The following RERE variants were observed in gnomAD, a reference collection of about 807,000 sequenced individuals.
RERE encodes the protein arginine-glutamic acid dipeptide repeats protein.
Under a neutral mutation model 146.1 loss-of-function variants are expected in RERE, and 40 were observed. The observed-to-expected ratio is 0.27, with a 90% CI of 0.21 to 0.36. The LOEUF is 0.36. RERE is among the 10% of genes least tolerant of loss of function. RERE has a pLI of 1.00. For synonymous variants in RERE, 1,003 were observed against 866.0 expected (o/e 1.16, Z -2.78); for missense variants, 1,933 against 2,138.7 (o/e 0.90, Z 1.90).
chr1:8,404,437 A>G (rs900027505), intron 12 of RERE, among the ~76,000 whole-genome samples: 2 of 150,840 alleles, frequency 1.3e-5, no homozygotes, highest in Non-Finnish European at 3.0e-5. Context: ...ACAAACAAAC[A>G]AAAAAAAGAG....
intron 12 of RERE, among the ~76,000 whole-genome samples, chr1:8,418,479 A>G (rs1643837671): frequency 6.6e-6 from 1 of 152,214 alleles, no homozygotes; most frequent in Admixed American, 6.5e-5. Context: ...CACCAGAGAC[A>G]AGCAACGGCA....
intron 11 of RERE, among the ~76,000 whole-genome samples, chr1:8,447,078 A>G (rs931840231): frequency 2.7e-5 from 4 of 149,334 alleles, no homozygotes; most frequent in Non-Finnish European, 5.9e-5. Flanking sequence ...TGCTTGATCA[A>G]TTCGGCTATT....
intron 12 of RERE, among the ~76,000 whole-genome samples, chr1:8,413,770 C>T (rs1018217841): frequency 1.3e-5 from 2 of 151,802 alleles, no homozygotes; most frequent in African/African-American, 2.4e-5. Flanking sequence ...AATGAGGGAA[C>T]TTTAGCAGGG....
intron 12 of RERE, chr1:8,380,673 T>A (rs750392664): frequency 1.9e-4 from 69 of 362,322 alleles, no homozygotes; most frequent in Non-Finnish European, 3.4e-4. Flanking sequence ...AAAAGCTTGA[T>A]TTTCCAGCTG....
At chr1:8,484,428 CTT>C (rs35564949) in intron 10 of RERE, among the ~76,000 whole-genome samples, 7 of 143,306 alleles carry the variant, frequency 4.9e-5, no homozygotes, top group Non-Finnish European at 6.1e-5. Flanking sequence ...ACAAATAAAA[CTT>C]TTTTTTTTTT....
chr1:8,392,091 C>T (rs1358089998), intron 12 of RERE, among the ~76,000 whole-genome samples: 1 of 152,196 alleles, frequency 6.6e-6, no homozygotes, highest in Admixed American at 6.5e-5. Flanking sequence ...TGCTGCATTT[C>T]TCACAACTCA....
intron 12 of RERE, among the ~76,000 whole-genome samples, chr1:8,395,074 C>A (rs1324596750): frequency 6.6e-6 from 1 of 152,186 alleles, no homozygotes; most frequent in Non-Finnish European, 1.5e-5. Flanking sequence ...ACTAAACTTT[C>A]AGATAAGGTG....
chr1:8,522,020 A>G (rs750192067), intron 7 of RERE, among the ~76,000 whole-genome samples: 2 of 152,270 alleles, frequency 1.3e-5, no homozygotes, highest in Non-Finnish European at 2.9e-5. Flanking sequence ...CTTAGACTCA[A>G]AGTATCATAG....
chr1:8,577,019 A>C (rs1270268305), intron 4 of RERE, among the ~76,000 whole-genome samples: 2 of 152,042 alleles, frequency 1.3e-5, no homozygotes, highest in African/African-American at 4.8e-5. Context: ...AATACAAAAA[A>C]ATTAGCTGGG....
intron 10 of RERE, among the ~76,000 whole-genome samples, chr1:8,470,813 C>CTTTT (rs71580028): frequency 0.058 from 4,341 of 74,522 alleles, 438 homozygotes; most frequent in East Asian, 0.11. Context: ...AAAGAAATAC[C>CTTTT]TTTTTTTTTT....
At position 8,465,955 on chromosome 1, in the gene RERE, G is replaced by A. The variant is rs756870009; in HGVS notation, c.1173C>T (p.Leu391=). ...CGTCCTCGGTCCAGCACTTCTCGAT[G>A]AGCTTGGGCACAGGCTTCTTCACCA... ...QRLVKKPVPK[L]IEKCWTEDEV... Residue 391 remains leucine (L), a synonymous_variant, in exon 11 of 23, where the codon CTC becomes CTT. Transcript: ENST00000400908. 3.1e-6 allele frequency: 5 copies of A among 1,614,042 alleles called. No homozygotes were observed. In the South Asian group the frequency reaches 5.5e-5, roughly 18 times the overall value.
intron 1 of RERE, among the ~76,000 whole-genome samples, chr1:8,726,147 CTTTTTTTTTTTTTTTTTT>C (rs70985511): frequency 2.9e-5 from 2 of 69,394 alleles, no homozygotes; most frequent in South Asian, 6.3e-4. Flanking sequence ...TTTTTCTTTT[CTTTTTTTTTTTTTTTTTT>C]TTTTTTTGAG....
Position 8,607,534 on chromosome 1 carries a change from C to T in RERE, c.522+7027G>A, listed in dbSNP as rs79846032. Among the ~76,000 whole-genome samples the T allele has an allele frequency of 5.8e-3, 282 of 48,518 alleles. 6 individuals are homozygous for T. In the East Asian group the frequency reaches 0.11, roughly 19 times the overall value. The allele number at this position is 48,518 out of a possible 152,430, so 31.8% of individuals were successfully genotyped here. On this transcript the variant is annotated intron_variant, in intron 4 of 22. Transcript: ENST00000400908. ...CGCATATTTGTTTTTATATATATTT[C>T]TTTTTTTTTTTTTTTTTTTTTTTTT... is the stretch of plus-strand genomic sequence containing the variant.
At chr1:8,774,801 G>A (rs1253072854) in intron 1 of RERE, among the ~76,000 whole-genome samples, 1 of 151,856 alleles carries the variant, frequency 6.6e-6, no homozygotes, top group Non-Finnish European at 1.5e-5. Context: ...AAACATGAAC[G>A]TGCTCATTCA....
chr1:8,727,431 C>T (rs1341269389), intron 1 of RERE, among the ~76,000 whole-genome samples: 1 of 151,948 alleles, frequency 6.6e-6, no homozygotes, highest in African/African-American at 2.4e-5. Flanking sequence ...TGTGAGCCAC[C>T]GCATCTGGCT....
chr1:8,362,639 G>A (rs752225226), intron 16 of RERE, 44 bp downstream of exon 16: 8 of 1,612,506 alleles, frequency 5.0e-6, no homozygotes, highest in Non-Finnish European at 5.9e-6. Context: ...GTTTTAATGT[G>A]AGGGAGGGAC....
chr1:8,697,587 C>T (rs1331267335), intron 1 of RERE, among the ~76,000 whole-genome samples: 4 of 152,110 alleles, frequency 2.6e-5, no homozygotes, highest in Non-Finnish European at 5.9e-5. Context: ...AAATGTTTTT[C>T]ACCATGTTAG....
intron 1 of RERE, among the ~76,000 whole-genome samples, chr1:8,729,832 C>T (rs957654528): frequency 1.3e-5 from 2 of 152,136 alleles, no homozygotes; most frequent in African/African-American, 4.8e-5. Flanking sequence ...GAAAGAATGA[C>T]AGATGCAGCT....
chr1:8,619,075 G>A (rs1463640275), intron 3 of RERE, among the ~76,000 whole-genome samples: 3 of 152,194 alleles, frequency 2.0e-5, no homozygotes, highest in African/African-American at 7.2e-5. Flanking sequence ...GGTATTAAAC[G>A]ATAAATAACT....
Sources: gnomAD v4.1 joint callset for allele counts (sites outside exome capture counted in the v4.1 genomes callset) on GRCh38, gnomAD v4.1.1 for gene constraint, MANE v1.5 for transcripts, NCBI Gene and HGNC (gene_info 2026-07-23, HGNC 2026-07-21) for gene names.